The following EPHA6 variants were observed in gnomAD, a reference collection of about 807,000 sequenced individuals.
The protein encoded by EPHA6 is EPH receptor A6.
A neutral mutation model predicts 112.0 loss-of-function variants in EPHA6; 50 were observed. The observed-to-expected ratio is 0.45, with a 90% CI of 0.36 to 0.56. The LOEUF (loss-of-function observed/expected upper bound fraction) is 0.56, where lower values mean the gene tolerates loss of function less well. Ranked by LOEUF, EPHA6 falls within the 20% of genes least tolerant of loss-of-function variation. The probability of loss-of-function intolerance (pLI) is 0.00; values close to 1 mark genes in which losing one functional copy is unlikely to be tolerated. For missense variants in EPHA6, 1,280 were observed against 1,417.4 expected (o/e 0.90, Z 1.56); for synonymous variants, 529 against 490.7 (o/e 1.08, Z -1.03).
At chr3:97,031,279 G>A (rs553661048) in intron 3 of EPHA6, among the ~76,000 whole-genome samples, 2,016 of 152,000 alleles carry the variant, frequency 0.013, 47 homozygotes, top group African/African-American at 0.044. Flanking sequence ...TCCTTACACC[G>A]TATACAAAAA....
At position 96,898,387 on chromosome 3, in the gene EPHA6, C is replaced by T. The variant is rs866117490; in HGVS notation, c.450+31498C>T. Among the ~76,000 whole-genome samples the T allele has an allele frequency of 3.3e-5, 5 of 152,106 alleles. No individual in the cohort carries two copies. In the South Asian group the frequency reaches 8.3e-4, roughly 25 times the overall value. The stretch of plus-strand genomic sequence containing the variant: ...AGCGAATAGAAGAAATATGTCTTAG[C>T]GTAAACAATGGAGGATAGTTTTACG... On this transcript the variant is annotated intron_variant, in intron 2 of 17. Transcript: ENST00000389672.
chr3:97,599,532 C>T (rs2093625507), intron 12 of EPHA6, among the ~76,000 whole-genome samples: 1 of 147,626 alleles, frequency 6.8e-6, no homozygotes, highest in African/African-American at 2.5e-5. Flanking sequence ...GAATCCTTTC[C>T]CCATTTCTTG....
intron 6 of EPHA6, among the ~76,000 whole-genome samples, chr3:97,445,942 C>T (rs1012965663): frequency 2.6e-5 from 4 of 152,040 alleles, no homozygotes; most frequent in South Asian, 2.1e-4. Context: ...CAGAAAAGCA[C>T]GCCAACATAC....
At chr3:97,012,607 G>GTGTGTGTGTA (rs368002096) in intron 3 of EPHA6, among the ~76,000 whole-genome samples, 4 of 132,114 alleles carry the variant, frequency 3.0e-5, no homozygotes, top group Admixed American at 7.9e-5. Flanking sequence ...GTGTGTGTGT[G>GTGTGTGTGTA]TATATATATA....
intron 3 of EPHA6, among the ~76,000 whole-genome samples, chr3:96,991,046 C>T (rs79932045): frequency 0.013 from 1,935 of 151,956 alleles, 24 homozygotes; most frequent in Admixed American, 0.024. Context: ...CTGGAGTGCA[C>T]TGGTGCGACC....
intron 5 of EPHA6, among the ~76,000 whole-genome samples, chr3:97,272,379 A>G (rs2079915590): frequency 6.6e-6 from 1 of 151,956 alleles, no homozygotes; most frequent in Admixed American, 6.6e-5. Context: ...ACAGGGATAC[A>G]CTCTAAGAAA....
chr3:97,527,657 T>C (rs957802324), intron 10 of EPHA6, among the ~76,000 whole-genome samples: 1 of 151,996 alleles, frequency 6.6e-6, no homozygotes, highest in Non-Finnish European at 1.5e-5. Context: ...CCACACACCA[T>C]GCAGGGCCAC....
At position 97,377,970 on chromosome 3, in the gene EPHA6, C is replaced by T. The variant is rs571638001; in HGVS notation, c.1607-27180C>T. 5.9e-5 allele frequency among the ~76,000 whole-genome samples: 9 copies of T among 152,268 alleles called. No individual in the cohort carries two copies. In the South Asian group the frequency reaches 1.9e-3, roughly 32 times the overall value. The stretch of plus-strand genomic sequence containing the variant: ...TCTGAGGAGAAATTCCAGCTGCCAG[C>T]AAATATTTGCATAAGTAATGAGGAG... On this transcript the variant is annotated intron_variant, in intron 5 of 17. Transcript: ENST00000389672.
intron 10 of EPHA6, among the ~76,000 whole-genome samples, chr3:97,520,457 A>G (rs1455743218): frequency 6.6e-6 from 1 of 152,012 alleles, no homozygotes; most frequent in Non-Finnish European, 1.5e-5. Context: ...TTTCACCTTC[A>G]TTTATGAAGG....
intron 3 of EPHA6, among the ~76,000 whole-genome samples, chr3:97,146,779 T>A (rs1425554381): frequency 6.6e-6 from 1 of 151,990 alleles, no homozygotes; most frequent in East Asian, 1.9e-4. Context: ...AACAGCTTTC[T>A]AATTGTTTCC....
At chr3:97,162,338 A>T (rs747804838) in intron 3 of EPHA6, among the ~76,000 whole-genome samples, 24 of 152,298 alleles carry the variant, frequency 1.6e-4, no homozygotes, top group Non-Finnish European at 2.6e-4. Flanking sequence ...CTCACTCAAC[A>T]GATAAGGGAA....
intron 10 of EPHA6, among the ~76,000 whole-genome samples, chr3:97,531,374 C>A (rs919750409): frequency 6.6e-6 from 1 of 151,970 alleles, no homozygotes; most frequent in Non-Finnish European, 1.5e-5. Context: ...TCCTTGCTGC[C>A]CTGTGTCCAT....
At chr3:96,840,159 G>T (rs1339023363) in intron 1 of EPHA6, among the ~76,000 whole-genome samples, 1 of 151,974 alleles carries the variant, frequency 6.6e-6, no homozygotes, top group Non-Finnish European at 1.5e-5. Flanking sequence ...AATCATCAGG[G>T]CCCAAGAAGT....
At chr3:97,182,652 C>A (rs1037890509) in intron 3 of EPHA6, among the ~76,000 whole-genome samples, 1 of 152,076 alleles carries the variant, frequency 6.6e-6, no homozygotes, top group Non-Finnish European at 1.5e-5. Flanking sequence ...TTCAATCAGT[C>A]CTGATGAGTT....
At chr3:96,990,902 G>T (rs754760846) in intron 3 of EPHA6, among the ~76,000 whole-genome samples, 11 of 152,114 alleles carry the variant, frequency 7.2e-5, no homozygotes, top group Non-Finnish European at 1.5e-4. Flanking sequence ...AAGTAGAAAA[G>T]TGACCACATA....
intron 5 of EPHA6, among the ~76,000 whole-genome samples, chr3:97,281,756 A>G (rs1040710512): frequency 2.0e-5 from 3 of 152,210 alleles, no homozygotes; most frequent in Admixed American, 6.5e-5. Flanking sequence ...AATTCTCACA[A>G]CATGCCTAGG....
chr3:97,666,176 C>T (rs995342264), intron 14 of EPHA6, among the ~76,000 whole-genome samples: 1 of 152,008 alleles, frequency 6.6e-6, no homozygotes, highest in African/African-American at 2.4e-5. Context: ...ATTCTGTTTC[C>T]AGCCTCCTGA....
chr3:97,159,796 A>G (rs2076371425), intron 3 of EPHA6, among the ~76,000 whole-genome samples: 6 of 152,078 alleles, frequency 3.9e-5, no homozygotes, highest in African/African-American at 1.2e-4. Context: ...TGTGTAGAAC[A>G]CTATGATGGT....
intron 3 of EPHA6, among the ~76,000 whole-genome samples, chr3:97,218,303 T>C (rs2078091420): frequency 6.6e-6 from 1 of 151,996 alleles, no homozygotes; most frequent in Non-Finnish European, 1.5e-5. Context: ...TTCTTAGCTC[T>C]CAGTCTGTGT....
Sources: gnomAD v4.1 joint callset for allele counts (sites outside exome capture counted in the v4.1 genomes callset) on GRCh38, gnomAD v4.1.1 for gene constraint, MANE v1.5 for transcripts, NCBI Gene and HGNC (gene_info 2026-07-23, HGNC 2026-07-21) for gene names.